The following ENPP2 variants were observed in gnomAD, a reference collection of about 807,000 sequenced individuals.
ENPP2 encodes autotaxin.
Under a neutral mutation model 120.2 loss-of-function variants are expected in ENPP2, and 51 were observed. That is an observed-to-expected ratio of 0.42 (90% confidence interval 0.34 to 0.54). The LOEUF is 0.54. Ranked by LOEUF, ENPP2 falls within the 20% of genes least tolerant of loss-of-function variation. The pLI, the probability that ENPP2 is intolerant of heterozygous loss-of-function variation, is 0.04. For missense variants in ENPP2, 920 were observed against 1,066.5 expected, an observed-to-expected ratio of 0.86 and a Z score of 1.91; for synonymous variants, 365 against 366.4, an observed-to-expected ratio of 1.00 and a Z score of 0.04.
upstream of ENPP2, among the ~76,000 whole-genome samples, chr8:119,639,604 C>A (rs1440740983): frequency 9.0e-6 from 1 of 111,274 alleles, no homozygotes. Context: ...TTGTTTCGGG[C>A]GGGGCGGAGG....
intron 19 of ENPP2, 97 bp from the exon 20 acceptor site, chr8:119,570,938 A>G: frequency 1.4e-6 from 1 of 732,246 alleles, no homozygotes. Flanking sequence ...TAAAATGGCT[A>G]GCTTACTTAT....
chr8:119,602,443 G>A (rs1397843576), intron 9 of ENPP2, among the ~76,000 whole-genome samples: 3 of 133,950 alleles, frequency 2.2e-5, no homozygotes, highest in Non-Finnish European at 4.6e-5. Flanking sequence ...GGCAACAAGA[G>A]TGAAACTCTG....
At chr8:119,622,888 T>TC (rs1465644368) in intron 3 of ENPP2, among the ~76,000 whole-genome samples, 1 of 152,008 alleles carries the variant, frequency 6.6e-6, no homozygotes, top group African/African-American at 2.4e-5. Flanking sequence ...AAAAGACAGA[T>TC]CATAGGCAAG....
chr8:119,583,831 C>T (rs924832584), intron 16 of ENPP2, 27 bp from the exon 17 acceptor site: 2 of 1,493,760 alleles, frequency 1.3e-6, no homozygotes, highest in Non-Finnish European at 1.9e-6. Context: ...AAAACAAAAA[C>T]AGTTAAGCAT....
At chr8:119,668,434 T>C (rs556088268) in intron 1 of ENPP2, among the ~76,000 whole-genome samples, 101 of 143,750 alleles carry the variant, frequency 7.0e-4, no homozygotes, top group Middle Eastern at 3.5e-3. Context: ...TTTTTCTTTT[T>C]TTTTTTTTTT....
At chr8:119,655,756 A>T (rs892775071) in intron 1 of ENPP2, among the ~76,000 whole-genome samples, 1 of 152,188 alleles carries the variant, frequency 6.6e-6, no homozygotes, top group Non-Finnish European at 1.5e-5. Flanking sequence ...CAAAAGTTTA[A>T]GTAACTGGCC....
intron 2 of ENPP2, among the ~76,000 whole-genome samples, chr8:119,634,552 A>G (rs941532433): frequency 6.6e-6 from 1 of 152,142 alleles, no homozygotes; most frequent in African/African-American, 2.4e-5. Context: ...ATTTTCAAAA[A>G]CTTTTTCAGA....
chr8:119,664,040 A>T (rs1293606682), intron 1 of ENPP2, among the ~76,000 whole-genome samples: 1 of 152,220 alleles, frequency 6.6e-6, no homozygotes, highest in Non-Finnish European at 1.5e-5. Flanking sequence ...CAGGAGCATA[A>T]ATCAAGGATT....
chr8:119,618,954 A>G (rs961412405), intron 5 of ENPP2, among the ~76,000 whole-genome samples: 1 of 152,132 alleles, frequency 6.6e-6, no homozygotes, highest in African/African-American at 2.4e-5. Flanking sequence ...AGTCTTAGCC[A>G]GAATATTCAG....
chr8:119,570,652 A>T, intron 20 of ENPP2, 53 bp downstream of exon 20: 1 of 994,864 alleles, frequency 1.0e-6, no homozygotes, highest in South Asian at 1.7e-5. Flanking sequence ...TCATTGTATT[A>T]ACATGAGGAA....
intron 8 of ENPP2, among the ~76,000 whole-genome samples, chr8:119,614,227 G>A (rs924764179): frequency 3.3e-5 from 5 of 151,708 alleles, no homozygotes; most frequent in Admixed American, 2.6e-4. Flanking sequence ...CACCACACCT[G>A]GCTAATTTTT....
chr8:119,648,650 C>T (rs577306784), intron 1 of ENPP2, among the ~76,000 whole-genome samples: 2 of 152,354 alleles, frequency 1.3e-5, no homozygotes, highest in East Asian at 3.9e-4. Context: ...GGAAGCAAAA[C>T]TGCCATTTCT....
intron 11 of ENPP2, among the ~76,000 whole-genome samples, chr8:119,596,852 C>G (rs140953993): frequency 1.3e-5 from 2 of 152,200 alleles, no homozygotes; most frequent in African/African-American, 4.8e-5. Context: ...ATCCAGAGAG[C>G]AGTGAAGTTG....
At chr8:119,610,261 C>A (rs190950734) in intron 8 of ENPP2, among the ~76,000 whole-genome samples, 1 of 152,054 alleles carries the variant, frequency 6.6e-6, no homozygotes, top group East Asian at 1.9e-4. Context: ...ATTTGTATTT[C>A]TTCTAAAAAC....
chr8:119,611,325 T>A (rs1815090422), intron 8 of ENPP2, among the ~76,000 whole-genome samples: 1 of 152,196 alleles, frequency 6.6e-6, no homozygotes, highest in African/African-American at 2.4e-5. Flanking sequence ...TGAGCTAGGA[T>A]AAACAGAATT....
chr8:119,650,453 A>C (rs552564246), intron 1 of ENPP2, among the ~76,000 whole-genome samples: 38 of 152,346 alleles, frequency 2.5e-4, no homozygotes, highest in Admixed American at 4.6e-4. Flanking sequence ...TGTACAGTTT[A>C]AAAGAGTGAA....
intron 8 of ENPP2, among the ~76,000 whole-genome samples, chr8:119,615,585 T>C (rs932004360): frequency 3.3e-5 from 5 of 152,194 alleles, no homozygotes; most frequent in Non-Finnish European, 5.9e-5. Context: ...AAGTATTAAT[T>C]TGCTATTTCA....
chr8:119,618,605 T>A, intron 5 of ENPP2: 1 of 262,728 alleles, frequency 3.8e-6, no homozygotes, highest in Non-Finnish European at 7.4e-6. Flanking sequence ...AGTGGCACAA[T>A]CTGGGCTCAA....
At chr8:119,620,935 A>C (rs1815850237) in intron 4 of ENPP2, among the ~76,000 whole-genome samples, 1 of 152,130 alleles carries the variant, frequency 6.6e-6, no homozygotes, top group African/African-American at 2.4e-5. Context: ...AGTGACCTGG[A>C]TTTACTTTTC....
Sources: gnomAD v4.1 joint callset for allele counts (sites outside exome capture counted in the v4.1 genomes callset) on GRCh38, gnomAD v4.1.1 for gene constraint, MANE v1.5 for transcripts, NCBI Gene and HGNC (gene_info 2026-07-23, HGNC 2026-07-21) for gene names.